The following FAM118A variants were observed in gnomAD, a reference collection of about 807,000 sequenced individuals.
FAM118A encodes the protein SIR2 antiphage like 2, also known as protein FAM118A.
FAM118A carries 25 observed loss-of-function variants against 38.2 expected under a neutral mutation model. The observed-to-expected ratio is 0.65, with a 90% confidence interval of 0.48 to 0.91. The LOEUF is 0.91. Among genes scored for constraint, FAM118A ranks in the 40% least tolerant of loss-of-function variants. The pLI, the probability that FAM118A is intolerant of heterozygous loss-of-function variation, is 0.00. For missense variants in FAM118A, 425 were observed against 463.3 expected (o/e 0.92, Z 0.76); for synonymous variants, 178 against 184.1 (o/e 0.97, Z 0.27).
At chr22:45,331,012 G>A (rs532260760) in intron 5 of FAM118A, among the ~76,000 whole-genome samples, 3 of 152,302 alleles carry the variant, frequency 2.0e-5, no homozygotes, top group Admixed American at 2.0e-4. Context: ...ACCCTCTCTA[G>A]GAGCCCTGGC....
In FAM118A at chr22:45,323,076, T is replaced by TGTGC. The variant is rs1555911091; in HGVS notation, c.48-99_48-98insGTGC. ...GTGTGTGTGTGTGTGTGTGTGTGTG[T>TGTGC]ACACAGCACAAGGCCGGAACTCGCA... is the stretch of plus-strand genomic sequence containing the variant. On this transcript the variant is annotated intron_variant, in intron 2 of 8. Coordinates refer to ENST00000441876, the MANE Select transcript of FAM118A (RefSeq NM_017911.4). 1.9e-5 allele frequency: 24 copies of TGTGC among 1,282,208 alleles called. No individual in the cohort carries two copies. The East Asian group carries it at 2.4e-4, about 13-fold the overall frequency. The allele number at this position is 1,282,208 out of a possible 1,614,324, so 79.4% of individuals were successfully genotyped here.
chr22:45,329,543 T>C (rs1285264115), intron 4 of FAM118A: 2 of 152,292 alleles, frequency 1.3e-5, no homozygotes, highest in East Asian at 3.8e-4. Flanking sequence ...GCTTATGTTA[T>C]TCATAACTAA....
At chr22:45,338,554 C>T (rs1258138015) in intron 8 of FAM118A, among the ~76,000 whole-genome samples, 1 of 152,230 alleles carries the variant, frequency 6.6e-6, no homozygotes, top group Non-Finnish European at 1.5e-5. Context: ...GTTACCTTTT[C>T]TCAGAGCATC....
Position 45,323,429 on chromosome 22 carries a change from T to A in FAM118A, c.300+2T>A. 2 of 1,611,874 alleles carry A rather than the reference T, an allele frequency of 1.2e-6. No homozygotes were observed. Among genetic ancestry groups the A allele is most frequent in the Non-Finnish European group, 1.7e-6 (2 of 1,178,188 alleles). ...GATCTGATCCGGAAGATGTCACCTGTAAGTGTCAGACAAGTACCTCTTGGG... is the reference window on the plus strand; with the variant it reads ...GATCTGATCCGGAAGATGTCACCTGAAAGTGTCAGACAAGTACCTCTTGGG... On this transcript the variant is annotated splice_donor_variant, in intron 3 of 8. Transcript: ENST00000441876. LOFTEE classifies it high-confidence loss of function.
intron 8 of FAM118A, among the ~76,000 whole-genome samples, chr22:45,337,057 T>C (rs1210398553): frequency 1.3e-5 from 2 of 151,784 alleles, no homozygotes; most frequent in African/African-American, 4.8e-5. Flanking sequence ...CCTCCCCTCC[T>C]CCTCCTCCCA....
At chr22:45,332,741 TTTC>T (rs765619584) in intron 6 of FAM118A, 31 bp downstream of exon 6, 4 of 1,492,150 alleles carry the variant, frequency 2.7e-6, no homozygotes, top group Non-Finnish European at 3.5e-6. Flanking sequence ...TTCCTTTTTC[TTTC>T]TTTTTTCTTT....
intron 1 of FAM118A, among the ~76,000 whole-genome samples, chr22:45,311,557 AG>A (rs1601865068): frequency 6.6e-6 from 1 of 152,030 alleles, no homozygotes; most frequent in African/African-American, 2.4e-5. Flanking sequence ...GACAAGAAAG[AG>A]GGTGTGATTC....
At chr22:45,335,427 A>G (rs1601990561) in intron 7 of FAM118A, 45 bp downstream of exon 7, 1 of 1,605,042 alleles carries the variant, frequency 6.2e-7, no homozygotes, top group Non-Finnish European at 8.5e-7. Flanking sequence ...TTGCCTACAC[A>G]TTCCATTGTC....
intron 1 of FAM118A, among the ~76,000 whole-genome samples, chr22:45,318,052 A>G (rs1272548519): frequency 6.6e-6 from 1 of 152,220 alleles, no homozygotes; most frequent in African/African-American, 2.4e-5. Flanking sequence ...GTAAATAACA[A>G]GTTCGATTTT....
At chr22:45,337,021 G>C (rs545881955) in intron 8 of FAM118A, among the ~76,000 whole-genome samples, 1 of 152,174 alleles carries the variant, frequency 6.6e-6, no homozygotes, top group Admixed American at 6.5e-5. Flanking sequence ...GGGCGATCTC[G>C]CTTGTTCGTG....
At chr22:45,330,505 A>AT in intron 4 of FAM118A, 98 bp from the exon 5 acceptor site, 1 of 1,307,858 alleles carries the variant, frequency 7.6e-7, no homozygotes, top group Non-Finnish European at 1.0e-6. Flanking sequence ...TCTTTCCAAG[A>AT]TAGGTTTAAA....
intron 8 of FAM118A, among the ~76,000 whole-genome samples, chr22:45,338,701 A>AGT (rs749020706): frequency 8.5e-5 from 13 of 152,368 alleles, no homozygotes; most frequent in Non-Finnish European, 1.9e-4. Context: ...AGTAAGCCAA[A>AGT]GTAAAACACT....
At chr22:45,318,274 A>C (rs1461860451) in intron 1 of FAM118A, 1 of 152,138 alleles carries the variant, frequency 6.6e-6, no homozygotes, top group Non-Finnish European at 1.5e-5. Context: ...CTGGGGCCAG[A>C]TTTTGCTTTC....
At chr22:45,324,428 G>A (rs1199613813) in intron 3 of FAM118A, among the ~76,000 whole-genome samples, 1 of 152,172 alleles carries the variant, frequency 6.6e-6, no homozygotes, top group Non-Finnish European at 1.5e-5. Flanking sequence ...GAAGTGGGGG[G>A]CTTCAAGGGC....
intron 1 of FAM118A, among the ~76,000 whole-genome samples, 175 bp downstream of exon 1, chr22:45,310,358 C>T (rs1014616396): frequency 1.3e-5 from 2 of 151,706 alleles, no homozygotes; most frequent in African/African-American, 4.8e-5. Flanking sequence ...GGCCCGCGAA[C>T]CCCGAAACTC....
chr22:45,340,522 C>A lies in FAM118A; in HGVS notation c.*117C>A. ...TCTCTGATTGCGAAACCGTCACATA[C>A]ACCAAGAGAGCCACATGGGCATGTG... On this transcript the variant is annotated 3_prime_UTR_variant, in exon 9 of 9. Transcript: ENST00000441876. 1.6e-6 allele frequency: 2 copies of A among 1,248,944 alleles called. No homozygotes were observed. Among genetic ancestry groups the A allele is most frequent in the Non-Finnish European group, 2.3e-6 (2 of 851,490 alleles). The allele number at this position is 1,248,944 out of a possible 1,614,324, so 77.4% of individuals were successfully genotyped here.
At chr22:45,311,736 AG>A (rs951610330) in intron 1 of FAM118A, among the ~76,000 whole-genome samples, 1 of 152,008 alleles carries the variant, frequency 6.6e-6, no homozygotes, top group African/African-American at 2.4e-5. Flanking sequence ...GGAGGAAGCA[AG>A]ACCCTATGAG....
In FAM118A at chr22:45,332,581, C is replaced by T; in HGVS notation, c.808C>T (p.His270Tyr). 1 of 1,614,088 alleles carries T rather than the reference C, an allele frequency of 6.2e-7. No homozygotes were observed. The highest frequency in any genetic ancestry group is 8.5e-7 in the Non-Finnish European group (1 of 1,180,030). Residue 270 changes from histidine to tyrosine, a missense_variant, in exon 6 of 9, where the codon CAT becomes TAT. His to Tyr is a moderately conservative substitution (Grantham distance 83). Coordinates refer to ENST00000441876, the MANE Select transcript of FAM118A (RefSeq NM_017911.4). ...YMLVLKENED[H>Y]FFKHQADMLL... ...GCTTGTGCTGAAGGAGAATGAAGAC[C>T]ATTTCTTTAAGCATCAGGCAGATAT...
chr22:45,329,643 C>T (rs742014), intron 4 of FAM118A: 66,992 of 152,216 alleles, frequency 0.44, 18,775 homozygotes, highest in African/African-American at 0.79. Context: ...GGGCACGGGG[C>T]AGTGTACACG....
Sources: gnomAD v4.1 joint callset for allele counts (sites outside exome capture counted in the v4.1 genomes callset) on GRCh38, gnomAD v4.1.1 for gene constraint, MANE v1.5 for transcripts, NCBI Gene and HGNC (gene_info 2026-07-23, HGNC 2026-07-21) for gene names.